The following TRAF3IP1 variants were observed in gnomAD, a reference collection of about 807,000 sequenced individuals.
TRAF3IP1 encodes the protein intraflagellar transport 54.
In TRAF3IP1, 53 loss-of-function variants were observed where a neutral mutation model predicts 89.9. The ratio of observed to expected loss-of-function variants is 0.59; its 90% CI spans 0.47 to 0.74. The LOEUF (loss-of-function observed/expected upper bound fraction) is 0.74, where lower values mean the gene tolerates loss of function less well. Among genes scored for constraint, TRAF3IP1 ranks in the 30% least tolerant of loss-of-function variants. TRAF3IP1 has a pLI of 0.00. For synonymous variants in TRAF3IP1, 311 were observed against 322.1 expected (o/e 0.97, Z 0.37); for missense variants, 806 against 866.1 (o/e 0.93, Z 0.87).
chr2:238,383,866 TTTAGTCCGTTTACAC>T (rs1237830928), intron 15 of TRAF3IP1, among the ~76,000 whole-genome samples: 3 of 152,214 alleles, frequency 2.0e-5, no homozygotes, highest in African/African-American at 7.2e-5. Flanking sequence ...GGTGTTCTAA[TTTAGTCCGTTTACAC>T]TTAGTGCAGT....
chr2:238,339,233 T>A (rs563938848), intron 8 of TRAF3IP1, among the ~76,000 whole-genome samples: 1 of 152,278 alleles, frequency 6.6e-6, no homozygotes, highest in East Asian at 1.9e-4. Context: ...AGCCGCAGTG[T>A]GAAAGATGAT....
chr2:238,372,289 C>G (rs1393432370), intron 15 of TRAF3IP1, among the ~76,000 whole-genome samples: 2 of 151,904 alleles, frequency 1.3e-5, no homozygotes, highest in Non-Finnish European at 2.9e-5. Flanking sequence ...CAGCCCTCTG[C>G]CCCCCGACAG....
intron 8 of TRAF3IP1, among the ~76,000 whole-genome samples, chr2:238,341,981 A>G (rs1698681869): frequency 6.6e-6 from 1 of 151,486 alleles, no homozygotes; most frequent in African/African-American, 2.4e-5. Flanking sequence ...ATTCATAGTC[A>G]TTTTTATTTT....
chr2:238,325,163 G>A lies in TRAF3IP1; in HGVS notation c.124-143G>A, dbSNP rs1253840485. On this transcript the variant is annotated intron_variant, in intron 1 of 16. Coordinates refer to ENST00000373327, the MANE Select transcript of TRAF3IP1 (RefSeq NM_015650.4). Reference sequence around the variant, plus strand: ...TCTGCCCTGCACAGCACGTGTAGTAGACATCAAATATTTCTTAAGTGGATG... The same window carrying A: ...TCTGCCCTGCACAGCACGTGTAGTAAACATCAAATATTTCTTAAGTGGATG... 6.3e-6 allele frequency: 5 copies of A among 791,348 alleles called. No homozygotes were observed. The East Asian group carries it at 1.3e-4, about 20-fold the overall frequency. The allele number at this position is 791,348 out of a possible 1,614,324, so 49.0% of individuals were successfully genotyped here.
chr2:238,388,095 C>A (rs1002702413), intron 15 of TRAF3IP1, among the ~76,000 whole-genome samples: 1 of 151,684 alleles, frequency 6.6e-6, no homozygotes, highest in Non-Finnish European at 1.5e-5. Context: ...AAAAATTAGT[C>A]GGGTCCGGTG....
intron 8 of TRAF3IP1, among the ~76,000 whole-genome samples, chr2:238,340,817 G>A (rs796133220): frequency 0.087 from 8,405 of 96,620 alleles, 347 homozygotes; most frequent in African/African-American, 0.13. Context: ...TTATGCGTGT[G>A]TGTGTGTGTG....
At chr2:238,373,846 C>T (rs902095022) in intron 15 of TRAF3IP1, among the ~76,000 whole-genome samples, 4 of 152,162 alleles carry the variant, frequency 2.6e-5, no homozygotes, top group South Asian at 2.1e-4. Context: ...AGAGGTCCTT[C>T]GCATCCTTTG....
At chr2:238,354,912 G>A (rs1337967856) in intron 14 of TRAF3IP1, among the ~76,000 whole-genome samples, 2 of 151,354 alleles carry the variant, frequency 1.3e-5, no homozygotes, top group African/African-American at 4.9e-5. Context: ...GCCTCCCAAA[G>A]CGCTGGTATT....
intron 15 of TRAF3IP1, among the ~76,000 whole-genome samples, chr2:238,396,535 TAAA>T (rs928812855): frequency 6.9e-6 from 1 of 144,254 alleles, no homozygotes; most frequent in South Asian, 2.2e-4. Context: ...ATAATAATAA[TAAA>T]AAAATTAAAA....
chr2:238,394,839 G>A (rs1310081668), intron 15 of TRAF3IP1, among the ~76,000 whole-genome samples: 1 of 152,188 alleles, frequency 6.6e-6, no homozygotes, highest in East Asian at 1.9e-4. Context: ...TTCTTAGGCA[G>A]AGCTTATGTG....
rs201880542 is a variant in TRAF3IP1 at position 238,397,426 on chromosome 2, C to T, written c.1690-33C>T. On this transcript the variant is annotated intron_variant, in intron 15 of 16. Coordinates refer to ENST00000373327, the MANE Select transcript of TRAF3IP1 (RefSeq NM_015650.4). ...CTGTTCTGCCTTTGGACTGAGGAGG[C>T]GTGTTCCTCTTCCTATGTCTCCCTG... 18 of 1,597,958 alleles carry T rather than the reference C, an allele frequency of 1.1e-5. No individual in the cohort carries two copies. The East Asian group carries it at 1.8e-4, about 16-fold the overall frequency.
intron 7 of TRAF3IP1, among the ~76,000 whole-genome samples, chr2:238,334,961 T>C (rs1698315509): frequency 6.6e-6 from 1 of 152,232 alleles, no homozygotes; most frequent in Admixed American, 6.5e-5. Flanking sequence ...ACAAAAACGT[T>C]GATGACCAGT....
intron 7 of TRAF3IP1, 114 bp downstream of exon 7, chr2:238,334,149 T>C (rs1463573885): frequency 2.5e-6 from 2 of 806,882 alleles, no homozygotes; most frequent in Non-Finnish European, 4.0e-6. Flanking sequence ...ACAGACTTGC[T>C]GTGTCTGGGA....
rs771286800 is a variant in TRAF3IP1 at position 238,347,508 on chromosome 2, A to T, written c.1282+33A>T. On this transcript the variant is annotated intron_variant, in intron 10 of 16. Coordinates refer to ENST00000373327, the MANE Select transcript of TRAF3IP1 (RefSeq NM_015650.4). ...ATGGCCTTAGATACCTGTGTGTCATATCAATTGTATGCATGTGTGTGAATG... is the reference window on the plus strand; with the variant it reads ...ATGGCCTTAGATACCTGTGTGTCATTTCAATTGTATGCATGTGTGTGAATG... The T allele has an allele frequency of 2.5e-5, 40 of 1,610,988 alleles. No individual in the cohort carries two copies. In the South Asian group the frequency reaches 3.1e-4, roughly 12 times the overall value.
At chr2:238,326,372 T>C (rs554867998) in intron 3 of TRAF3IP1, among the ~76,000 whole-genome samples, 2 of 152,154 alleles carry the variant, frequency 1.3e-5, no homozygotes, top group East Asian at 3.9e-4. Flanking sequence ...CTTTTCTTCT[T>C]CCCTGGGTCT....
chr2:238,371,954 T>A (rs940327718), intron 15 of TRAF3IP1, among the ~76,000 whole-genome samples: 1 of 152,226 alleles, frequency 6.6e-6, no homozygotes, highest in Non-Finnish European at 1.5e-5. Context: ...TGAAACTGAT[T>A]AAGCATATAG....
At chr2:238,391,588 A>G (rs753746868) in intron 15 of TRAF3IP1, among the ~76,000 whole-genome samples, 8 of 152,302 alleles carry the variant, frequency 5.3e-5, no homozygotes, top group Non-Finnish European at 7.4e-5. Flanking sequence ...GACTATCACA[A>G]TCCCAGCCCA....
At chr2:238,353,236 T>TA in intron 14 of TRAF3IP1, 27 bp downstream of exon 14, 1 of 1,613,334 alleles carries the variant, frequency 6.2e-7, no homozygotes, top group East Asian at 2.2e-5. Context: ...AGTGTGCATG[T>TA]ATGTCCATGT....
At chr2:238,368,212 T>C (rs1348117598) in intron 15 of TRAF3IP1, among the ~76,000 whole-genome samples, 1 of 152,194 alleles carries the variant, frequency 6.6e-6, no homozygotes, top group Admixed American at 6.5e-5. Context: ...TTTAATTTAA[T>C]GTGGGTAAAG....
Sources: gnomAD v4.1 joint callset for allele counts (sites outside exome capture counted in the v4.1 genomes callset) on GRCh38, gnomAD v4.1.1 for gene constraint, MANE v1.5 for transcripts, NCBI Gene and HGNC (gene_info 2026-07-23, HGNC 2026-07-21) for gene names.